CHN2: variants seen among roughly 807,000 people sequenced by gnomAD.
CHN2 encodes the protein chimerin 2, also known as beta-chimaerin.
In CHN2, 35 loss-of-function variants were observed where a neutral mutation model predicts 56.3. The ratio of observed to expected loss-of-function variants is 0.62; its 90% CI spans 0.47 to 0.82. The LOEUF is 0.82. Ranked by LOEUF, CHN2 falls within the 40% of genes least tolerant of loss-of-function variation. The pLI is 0.00. For missense variants in CHN2, 491 were observed against 580.5 expected, an observed-to-expected ratio of 0.85 and a Z score of 1.58; for synonymous variants, 210 against 212.8, an observed-to-expected ratio of 0.99 and a Z score of 0.12.
intron 6 of CHN2, chr7:29,480,018 C>T (rs776487174): frequency 7.3e-6 from 11 of 1,508,122 alleles, no homozygotes; most frequent in Non-Finnish European, 8.9e-6. Context: ...CTCAAATCTG[C>T]CGCCTAACAT....
At chr7:29,293,368 C>T (rs926064784) in intron 1 of CHN2, among the ~76,000 whole-genome samples, 2 of 114,592 alleles carry the variant, frequency 1.7e-5, no homozygotes, top group African/African-American at 3.0e-5. Context: ...TAATGCCCCC[C>T]CCCCCCCCCA....
At chr7:29,148,279 G>C (rs1334481725) in intron 2 of CHN2, among the ~76,000 whole-genome samples, 1 of 152,136 alleles carries the variant, frequency 6.6e-6, no homozygotes, top group Non-Finnish European at 1.5e-5. Context: ...TGCCCACGTG[G>C]AACCACTTAA....
At chr7:29,416,571 A>C (rs1188764717) in intron 6 of CHN2, among the ~76,000 whole-genome samples, 1 of 152,120 alleles carries the variant, frequency 6.6e-6, no homozygotes, top group Non-Finnish European at 1.5e-5. Context: ...GCCCTCTCCC[A>C]TCGTTTCTAG....
chr7:29,393,559 G>T, intron 3 of CHN2, 120 bp from the exon 4 acceptor site: 1 of 467,922 alleles, frequency 2.1e-6, no homozygotes. Flanking sequence ...CTCTGATTTG[G>T]AGGATACAAT....
At chr7:29,459,246 A>G (rs901917189) in intron 6 of CHN2, among the ~76,000 whole-genome samples, 1 of 152,158 alleles carries the variant, frequency 6.6e-6, no homozygotes, top group Admixed American at 6.5e-5. Flanking sequence ...GACTTGTAGG[A>G]TTTTGGAAAA....
In CHN2 at chr7:29,500,023, G is replaced by T. The variant is rs775178372; in HGVS notation, c.896G>T (p.Arg299Leu). 3 of 1,545,930 alleles carry T rather than the reference G, an allele frequency of 1.9e-6. No individual in the cohort carries two copies. Among genetic ancestry groups the T allele is most frequent in the Non-Finnish European group, 1.7e-6 (2 of 1,145,440 alleles). The change falls in exon 9 of 13, where the codon CGG becomes CTG. Residue 299 changes from arginine (R) to leucine (L), a missense_variant. Arg to Leu is a moderately radical substitution (Grantham distance 102, BLOSUM62 -2). Transcript: ENST00000222792. ...QRPMVVDICI[R>L]EIEARGLKSE... ...CCCATGGTGGTAGACATATGCATTC[G>T]GGAAATTGAAGCAAGAGGTTTGGAA...
At chr7:29,408,113 T>C (rs1296656687) in intron 6 of CHN2, among the ~76,000 whole-genome samples, 1 of 151,264 alleles carries the variant, frequency 6.6e-6, no homozygotes, top group Non-Finnish European at 1.5e-5. Context: ...TCACCCGAAC[T>C]CAGAAGGCGG....
rs532580137 is a variant in CHN2, at chr7:29,474,132, G to T, written c.577-6147G>T. On this transcript the variant is annotated intron_variant, in intron 6 of 12. Coordinates refer to ENST00000222792, the MANE Select transcript of CHN2 (RefSeq NM_004067.4). ...TCTGTGCATACCTACTTACAAATCT[G>T]GGAATTATACTATACATGGCTCAGG... 3.9e-5 allele frequency among the ~76,000 whole-genome samples: 6 copies of T among 152,182 alleles called. No individual in the cohort carries two copies. In the East Asian group the frequency reaches 7.7e-4, roughly 20 times the overall value.
intron 2 of CHN2, among the ~76,000 whole-genome samples, chr7:29,181,905 T>C (rs1033382701): frequency 1.3e-5 from 2 of 152,190 alleles, no homozygotes; most frequent in African/African-American, 4.8e-5. Flanking sequence ...GGAGGGAATA[T>C]GGATGATTTC....
chr7:29,486,677 T>A (rs936162301), intron 7 of CHN2, among the ~76,000 whole-genome samples: 1 of 152,088 alleles, frequency 6.6e-6, no homozygotes, highest in East Asian at 1.9e-4. Flanking sequence ...AGACTGAGGA[T>A]GCACCAGGAG....
At chr7:29,231,789 G>A (rs1786730767) in intron 1 of CHN2, among the ~76,000 whole-genome samples, 1 of 152,146 alleles carries the variant, frequency 6.6e-6, no homozygotes, top group South Asian at 2.1e-4. Context: ...CGCATTTTTA[G>A]TTAAACAGGG....
Position 29,232,311 on chromosome 7 carries a change from T to TA in CHN2, c.49+37328dup, listed in dbSNP as rs540131586. Among the ~76,000 whole-genome samples, 195 of 152,206 alleles carry TA rather than the reference T, an allele frequency of 1.3e-3. 3 individuals carry two copies. The highest frequency in any genetic ancestry group is 6.8e-3 in the Middle Eastern group (2 of 294). Reference sequence around the variant, plus strand: ...TTCAGTCTTCCTTTCAAAGCTATTTTAAAAAAATGCATTGTACTTTCCTAA... The same window carrying TA: ...TTCAGTCTTCCTTTCAAAGCTATTTTAAAAAAAATGCATTGTACTTTCCTAA... On this transcript the variant is annotated intron_variant, in intron 1 of 12. Coordinates refer to ENST00000222792, the MANE Select transcript of CHN2 (RefSeq NM_004067.4).
chr7:29,268,135 T>C (rs1462719377), intron 1 of CHN2, among the ~76,000 whole-genome samples: 3 of 152,094 alleles, frequency 2.0e-5, no homozygotes, highest in Non-Finnish European at 4.4e-5. Context: ...AAACTAAGGG[T>C]GTGGGAACAA....
chr7:29,199,117 A>G (rs1446688977), intron 1 of CHN2, among the ~76,000 whole-genome samples: 2 of 152,228 alleles, frequency 1.3e-5, no homozygotes, highest in Non-Finnish European at 2.9e-5. Flanking sequence ...GGGCCAGGTA[A>G]ATCATGCTGT....
intron 1 of CHN2, among the ~76,000 whole-genome samples, chr7:29,351,048 C>G (rs1400235105): frequency 7.3e-6 from 1 of 136,662 alleles, no homozygotes. Context: ...GCGGAGGTTG[C>G]GATGAGCTGA....
chr7:29,397,176 A>C (rs1801825199), intron 4 of CHN2: 2 of 152,192 alleles, frequency 1.3e-5, no homozygotes, highest in Non-Finnish European at 2.9e-5. Context: ...GCTGCTTCTG[A>C]CCTCACTTTC....
chr7:29,256,962 C>T (rs1462432905), intron 1 of CHN2, among the ~76,000 whole-genome samples: 1 of 152,150 alleles, frequency 6.6e-6, no homozygotes, highest in Non-Finnish European at 1.5e-5. Flanking sequence ...GAGCCCAGGC[C>T]ATCTGGGTAG....
intron 7 of CHN2, among the ~76,000 whole-genome samples, chr7:29,482,132 T>C (rs1787318209): frequency 6.6e-6 from 1 of 152,260 alleles, no homozygotes; most frequent in Non-Finnish European, 1.5e-5. Context: ...GCTCTTCTAA[T>C]ATTTGTTTAA....
intron 6 of CHN2, among the ~76,000 whole-genome samples, chr7:29,450,932 G>A (rs533783012): frequency 3.7e-4 from 56 of 152,014 alleles, no homozygotes; most frequent in African/African-American, 1.3e-3. Flanking sequence ...CATCACGCCC[G>A]GCTAATTTTT....
Sources: allele counts gnomAD v4.1 joint callset (sites outside exome capture counted in the v4.1 genomes callset), GRCh38; gene constraint gnomAD v4.1.1; transcripts MANE v1.5; gene names NCBI Gene and HGNC (gene_info 2026-07-23, HGNC 2026-07-21).